COL23A1: variants seen among roughly 807,000 people sequenced by gnomAD.
COL23A1 encodes the protein collagen alpha-1(XXIII) chain.
COL23A1 carries 97 observed loss-of-function variants against 99.3 expected under a neutral mutation model. The observed-to-expected ratio is 0.98, with a 90% confidence interval of 0.83 to 1.16. The LOEUF (loss-of-function observed/expected upper bound fraction) is 1.16, where lower values mean the gene tolerates loss of function less well. COL23A1 is among the 50% of genes most tolerant of loss of function. The pLI, the probability that COL23A1 is intolerant of heterozygous loss-of-function variation, is 0.00. For missense variants in COL23A1, 762 were observed against 757.4 expected (o/e 1.01, Z -0.07); for synonymous variants, 320 against 308.2 (o/e 1.04, Z -0.40).
chr5:178,334,450 G>A (rs9329142), intron 2 of COL23A1, among the ~76,000 whole-genome samples: 3,814 of 152,358 alleles, frequency 0.025, 61 homozygotes, highest in South Asian at 0.084. Flanking sequence ...CACCCTCTTC[G>A]TGCCTCTGGT....
At chr5:178,421,794 G>A (rs926740146) in intron 2 of COL23A1, among the ~76,000 whole-genome samples, 33 of 152,310 alleles carry the variant, frequency 2.2e-4, no homozygotes, top group Admixed American at 1.4e-3. Flanking sequence ...GCTTGAACCC[G>A]GGAAGCAGAA....
At chr5:178,585,243 C>T (rs1763869666) in intron 1 of COL23A1, among the ~76,000 whole-genome samples, 1 of 152,196 alleles carries the variant, frequency 6.6e-6, no homozygotes, top group Non-Finnish European at 1.5e-5. Context: ...CTGCCCCACC[C>T]TCCTCTGGGG....
intron 4 of COL23A1, among the ~76,000 whole-genome samples, chr5:178,289,755 A>G (rs530761815): frequency 1.3e-5 from 2 of 152,166 alleles, no homozygotes; most frequent in East Asian, 3.9e-4. Context: ...AGGTGAGCCC[A>G]AGATTTGGTG....
chr5:178,329,622 C>G, intron 2 of COL23A1, among the ~76,000 whole-genome samples: 1 of 152,216 alleles, frequency 6.6e-6, no homozygotes. Flanking sequence ...CATCGCAGTC[C>G]ACCCACACTT....
intron 2 of COL23A1, chr5:178,344,888 T>C: frequency 1.3e-6 from 1 of 779,204 alleles, no homozygotes; most frequent in Non-Finnish European, 2.1e-6. Context: ...AGTCTTCATG[T>C]GGACAGTCTC....
intron 2 of COL23A1, among the ~76,000 whole-genome samples, chr5:178,420,768 A>G (rs1261957294): frequency 6.8e-6 from 1 of 146,942 alleles, no homozygotes; most frequent in African/African-American, 2.6e-5. Context: ...GGGCCTTGAA[A>G]GGGCAAAGAA....
intron 2 of COL23A1, among the ~76,000 whole-genome samples, chr5:178,511,666 T>A (rs544334404): frequency 4.7e-4 from 71 of 152,198 alleles, no homozygotes; most frequent in Non-Finnish European, 8.7e-4. Context: ...ATGGGTCCCC[T>A]GAGACACAGT....
In COL23A1 at chr5:178,238,571, A is replaced by T; in HGVS notation, c.*127T>A. ...GGTGGCTTTGGGGCTGGGTGGGCAT[A>T]CTCTTGAATGTTAAAAGGCCACAGG... On this transcript the variant is annotated 3_prime_UTR_variant, in exon 29 of 29. Coordinates refer to ENST00000390654, the MANE Select transcript of COL23A1 (RefSeq NM_173465.4). The T allele has an allele frequency of 7.7e-7, 1 of 1,292,420 alleles. No homozygotes were observed. Among genetic ancestry groups the T allele is most frequent in the Non-Finnish European group, 1.1e-6 (1 of 903,816 alleles). The allele number at this position is 1,292,420 out of a possible 1,614,324, so 80.1% of individuals were successfully genotyped here.
chr5:178,417,243 CAGAAGGA>C (rs1765361361), intron 2 of COL23A1, among the ~76,000 whole-genome samples: 1 of 152,208 alleles, frequency 6.6e-6, no homozygotes, highest in Non-Finnish European at 1.5e-5. Flanking sequence ...ATCTGTTCAA[CAGAAGGA>C]TGTAAACAGA....
intron 5 of COL23A1, 40 bp downstream of exon 5, chr5:178,288,284 G>C (rs925448950): frequency 1.3e-6 from 2 of 1,505,064 alleles, no homozygotes; most frequent in African/African-American, 1.4e-5. Flanking sequence ...TGGTTTAAGA[G>C]AAAAGGGTGA....
At chr5:178,247,338 A>AG (rs1244279432) in intron 22 of COL23A1, among the ~76,000 whole-genome samples, 188 bp downstream of exon 22, 2 of 151,924 alleles carry the variant, frequency 1.3e-5, no homozygotes, top group Non-Finnish European at 2.9e-5. Context: ...AAGGGTGGAG[A>AG]GGGGGGCATT....
In COL23A1 at chr5:178,365,474, G is replaced by A. The variant is rs1177801657; in HGVS notation, c.362-58555C>T. 6.6e-6 allele frequency among the ~76,000 whole-genome samples: 1 copy of A among 152,044 alleles called. No homozygotes were observed. Among genetic ancestry groups the A allele is most frequent in the Non-Finnish European group, 1.5e-5 (1 of 68,010 alleles). On this transcript the variant is annotated intron_variant, in intron 2 of 28. Transcript: ENST00000390654. This position sits in a 1 kb window ranked among gnomAD's most constrained non-coding sequence, Gnocchi z 5.2. ...CCACCCAATCCCTCTTTCTTTTGAC[G>A]GGTACCCGCCACCCAATCCCTCTTT...
At chr5:178,527,826 G>T (rs982474415) in intron 2 of COL23A1, among the ~76,000 whole-genome samples, 1 of 152,224 alleles carries the variant, frequency 6.6e-6, no homozygotes, top group Non-Finnish European at 1.5e-5. Flanking sequence ...TTGGCCCCAG[G>T]CAAATGCAGC....
intron 1 of COL23A1, among the ~76,000 whole-genome samples, chr5:178,562,942 A>G (rs559997172): frequency 1.3e-5 from 2 of 151,700 alleles, no homozygotes; most frequent in African/African-American, 4.8e-5. Context: ...GCTACAGAGC[A>G]CTGATTGGTG....
rs1041787068 is a variant in COL23A1, at chr5:178,385,591, G to A, written c.362-78672C>T. The stretch of plus-strand genomic sequence containing the variant: ...TCCCTGTGACCCTGGCCGTGTGCAC[G>A]TTAGGAAGTTACTCTCATGCCCTTC... On this transcript the variant is annotated intron_variant, in intron 2 of 28. Coordinates refer to ENST00000390654, the MANE Select transcript of COL23A1 (RefSeq NM_173465.4). 7.2e-5 allele frequency among the ~76,000 whole-genome samples: 11 copies of A among 152,312 alleles called. No homozygotes were observed. In the East Asian group the frequency reaches 1.4e-3, roughly 19 times the overall value.
At chr5:178,252,031 A>C (rs1048856210) in intron 17 of COL23A1, among the ~76,000 whole-genome samples, 18 of 151,302 alleles carry the variant, frequency 1.2e-4, no homozygotes, top group Admixed American at 6.6e-4. Flanking sequence ...CTCCTGCCTC[A>C]GCCTCTCAAG....
intron 1 of COL23A1, among the ~76,000 whole-genome samples, chr5:178,576,384 G>GC (rs1011431350): frequency 6.6e-6 from 1 of 152,038 alleles, no homozygotes; most frequent in Non-Finnish European, 1.5e-5. Flanking sequence ...GACTACAGGC[G>GC]CCCCCCACCA....
chr5:178,585,749 T>TACA (rs1562115741), intron 1 of COL23A1, among the ~76,000 whole-genome samples: 3 of 151,408 alleles, frequency 2.0e-5, no homozygotes, highest in Admixed American at 6.6e-5. Flanking sequence ...TGGCTGACCC[T>TACA]GTTGGTTGCT....
chr5:178,454,945 C>T (rs1767684628), intron 2 of COL23A1, among the ~76,000 whole-genome samples: 1 of 152,250 alleles, frequency 6.6e-6, no homozygotes, highest in African/African-American at 2.4e-5. Flanking sequence ...AGGACTGCTC[C>T]ATCCCCTTCC....
Sources: gnomAD v4.1 joint callset for allele counts (sites outside exome capture counted in the v4.1 genomes callset) on GRCh38, gnomAD v4.1.1 for gene constraint, Gnocchi (gnomAD v3.1) non-coding constraint, MANE v1.5 for transcripts, NCBI Gene and HGNC (gene_info 2026-07-23, HGNC 2026-07-21) for gene names.